The following ZKSCAN1 variants were observed in gnomAD, a reference collection of about 807,000 sequenced individuals.
ZKSCAN1 encodes the protein zinc finger with KRAB and SCAN domains 1, also known as zinc finger protein with KRAB and SCAN domains 1.
In ZKSCAN1, 14 loss-of-function variants were observed where a neutral mutation model predicts 51.6. The observed-to-expected ratio is 0.27, with a 90% CI of 0.18 to 0.42. The LOEUF is 0.42. ZKSCAN1 is among the 10% of genes least tolerant of loss of function. The pLI is 1.00. For synonymous variants in ZKSCAN1, 263 were observed against 261.5 expected (o/e 1.01, Z -0.06); for missense variants, 531 against 710.0 (o/e 0.75, Z 2.86).
At chr7:100,045,244 A>AT (rs751525615), downstream of ZKSCAN1, among the ~76,000 whole-genome samples, 4 of 150,420 alleles carry the variant, frequency 2.7e-5, no homozygotes, top group Non-Finnish European at 5.9e-5. Context: ...CCTACGAAAC[A>AT]TTTTTTCAAA....
At chr7:100,044,460 G>A (rs567576259), downstream of ZKSCAN1, among the ~76,000 whole-genome samples, 127 of 152,080 alleles carry the variant, frequency 8.4e-4, 1 homozygote, top group African/African-American at 2.9e-3. Context: ...GAGGTCGGGA[G>A]ATCGAGACCA....
intron 1 of ZKSCAN1, chr7:100,019,423 C>T (rs1468819888): frequency 6.6e-6 from 1 of 152,102 alleles, no homozygotes; most frequent in Non-Finnish European, 1.5e-5. Context: ...CCAGGCTGGT[C>T]CCGAGCTCCT....
At position 100,034,220 on chromosome 7, in the gene ZKSCAN1, A is replaced by G. The variant is rs372023631; in HGVS notation, c.*23A>G. Reference sequence around the variant, plus strand: ...TAAAGGAAGAATTTGCCATCAAGCCATTTCCCCCTTTTGTTTCTAAAATTA... The same window carrying G: ...TAAAGGAAGAATTTGCCATCAAGCCGTTTCCCCCTTTTGTTTCTAAAATTA... On this transcript the variant is annotated 3_prime_UTR_variant, in exon 6 of 6. Coordinates refer to ENST00000324306, the MANE Select transcript of ZKSCAN1 (RefSeq NM_003439.4). 17 of 1,498,574 alleles carry G rather than the reference A, an allele frequency of 1.1e-5. No individual in the cohort carries two copies. Among genetic ancestry groups the G allele is most frequent in the South Asian group, 1.4e-5 (1 of 73,824 alleles). 92.8% of individuals were successfully genotyped at this position (1,498,574 alleles called of 1,614,324 possible). A position where few individuals can be genotyped will look rare whatever the true frequency, so the allele number is the denominator to read the frequency against.
intron 4 of ZKSCAN1, 67 bp downstream of exon 4, chr7:100,030,019 T>G: frequency 6.4e-7 from 1 of 1,564,732 alleles, no homozygotes; most frequent in East Asian, 2.2e-5. Flanking sequence ...CTCTCTTCAT[T>G]ATCTCCACAG....
rs1791543556 is a variant in ZKSCAN1 at position 100,040,357 on chromosome 7, T to G, written c.*6160T>G. Reference sequence around the variant, plus strand: ...TTTGAATCTGAGATTCTCACCTCCATTTACTAAAGAATCGTGACTTAATTC... The same window carrying G: ...TTTGAATCTGAGATTCTCACCTCCAGTTACTAAAGAATCGTGACTTAATTC... On this transcript the variant is annotated 3_prime_UTR_variant, in exon 6 of 6. Coordinates refer to ENST00000324306, the MANE Select transcript of ZKSCAN1 (RefSeq NM_003439.4). 1.0e-6 allele frequency: 1 copy of G among 985,324 alleles called. No individual in the cohort carries two copies. The highest frequency in any genetic ancestry group is 4.7e-5 in the South Asian group (1 of 21,288). The allele number at this position is 985,324 out of a possible 1,614,324, so 61.0% of individuals were successfully genotyped here. A position where few individuals can be genotyped will look rare whatever the true frequency, so the allele number is the denominator to read the frequency against.
At chr7:100,029,771 C>G in intron 3 of ZKSCAN1, 90 bp from the exon 4 acceptor site, 1 of 1,214,502 alleles carries the variant, frequency 8.2e-7, no homozygotes, top group Non-Finnish European at 1.2e-6. Context: ...AGTGAACATG[C>G]TGGTGCAGGA....
downstream of ZKSCAN1, among the ~76,000 whole-genome samples, chr7:100,044,514 C>CA (rs913709360): frequency 6.6e-5 from 10 of 151,526 alleles, no homozygotes; most frequent in South Asian, 4.2e-4. Flanking sequence ...AAAAAAAATA[C>CA]AAAAAAATAA....
chr7:100,022,843 G>C (rs1790647856), intron 1 of ZKSCAN1, among the ~76,000 whole-genome samples: 1 of 152,146 alleles, frequency 6.6e-6, no homozygotes. Context: ...TCTCTGGGCT[G>C]GGCACTGTTA....
intron 3 of ZKSCAN1, chr7:100,024,996 GT>G (rs1365292508): frequency 1.3e-5 from 2 of 148,410 alleles, no homozygotes; most frequent in Non-Finnish European, 3.0e-5. Flanking sequence ...CTACATTGTT[GT>G]CATTATTACC....
Position 100,037,629 on chromosome 7 carries a change from G to A in ZKSCAN1, c.*3432G>A, listed in dbSNP as rs1791419244. 2.0e-6 allele frequency: 2 copies of A among 985,306 alleles called. No individual in the cohort carries two copies. The allele number at this position is 985,306 out of a possible 1,614,324, so 61.0% of individuals were successfully genotyped here. ...AAACTTGATGAATATTATATGTGAG[G>A]AAAACTTTCATGTATAGCACTCATT... On this transcript the variant is annotated 3_prime_UTR_variant, in exon 6 of 6. Transcript: ENST00000324306.
chr7:100,042,514 C>T (rs558413272), downstream of ZKSCAN1, among the ~76,000 whole-genome samples: 1 of 151,984 alleles, frequency 6.6e-6, no homozygotes, highest in Non-Finnish European at 1.5e-5. Context: ...GTAACTGATG[C>T]AGACTCCACA....
Position 100,035,418 on chromosome 7 carries a change from A to ATTT in ZKSCAN1, c.*1231_*1233dup, listed in dbSNP as rs200310129. On this transcript the variant is annotated 3_prime_UTR_variant, in exon 6 of 6. Coordinates refer to ENST00000324306, the MANE Select transcript of ZKSCAN1 (RefSeq NM_003439.4). Reference sequence around the variant, plus strand: ...AAAAATATGAACACTGATGAAGGTCATTTTTTTTTTTTGACATCTTTCTGT... The same window carrying ATTT: ...AAAAATATGAACACTGATGAAGGTCATTTTTTTTTTTTTTTGACATCTTTCTGT... The ATTT allele has an allele frequency of 1.4e-5, 2 of 146,666 alleles. No individual in the cohort carries two copies. Among genetic ancestry groups the ATTT allele is most frequent in the East Asian group, 3.9e-4 (2 of 5,084 alleles). 9.1% of individuals were successfully genotyped at this position (146,666 alleles called of 1,614,324 possible). A position where few individuals can be genotyped will look rare whatever the true frequency, so the allele number is the denominator to read the frequency against.
chr7:100,029,863 C>T lies in ZKSCAN1; in HGVS notation c.583C>T (p.Leu195Phe), dbSNP rs1791029013. The change falls in exon 4 of 6, where the codon CTT becomes TTT. Residue 195 changes from leucine to phenylalanine, a missense_variant and splice_region_variant. Around this residue, in one of 2 missense-constraint regions of ZKSCAN1, gnomAD observed 403 missense variants for 490.5 expected, o/e 0.82. Coordinates refer to ENST00000324306, the MANE Select transcript of ZKSCAN1 (RefSeq NM_003439.4). ...RKPRLLQSRA[L>F]PAAHIPAPPH... ...ACAGACCCTTTCTCCTCCCCCAGCT[C>T]TTCCTGCTGCCCACATTCCTGCACC... is the stretch of plus-strand genomic sequence containing the variant. The T allele has an allele frequency of 6.2e-7, 1 of 1,614,106 alleles. No individual in the cohort carries two copies. The highest frequency in any genetic ancestry group is 8.5e-7 in the Non-Finnish European group (1 of 1,179,958).
rs1791447310 is a variant in ZKSCAN1 at position 100,038,222 on chromosome 7, T to C, written c.*4025T>C. On this transcript the variant is annotated 3_prime_UTR_variant, in exon 6 of 6. Transcript: ENST00000324306. ...CCTTCAGTCCCTTGTTATTGTTCCG[T>C]ATATTACCTGTAAGCAGATACTGTA... 5 of 985,308 alleles carry C rather than the reference T, an allele frequency of 5.1e-6. No homozygotes were observed. The South Asian group carries it at 2.3e-4, about 46-fold the overall frequency. 61.0% of individuals were successfully genotyped at this position (985,308 alleles called of 1,614,324 possible).
chr7:100,043,140 C>T (rs898794522), downstream of ZKSCAN1, among the ~76,000 whole-genome samples: 2 of 150,976 alleles, frequency 1.3e-5, no homozygotes, highest in East Asian at 3.9e-4. Flanking sequence ...GGCTATTTCC[C>T]AAGCTGGTCT....
In ZKSCAN1 at chr7:100,038,136, T is replaced by C; in HGVS notation, c.*3939T>C. On this transcript the variant is annotated 3_prime_UTR_variant, in exon 6 of 6. Transcript: ENST00000324306. ...CAAAATGTGCAACTTCTTACAAAAA[T>C]TGTTAACGTTAGGTACTTCTATATA... 1.0e-6 allele frequency: 1 copy of C among 985,394 alleles called. No individual in the cohort carries two copies. The highest frequency in any genetic ancestry group is 1.2e-6 in the Non-Finnish European group (1 of 829,932). 61.0% of individuals were successfully genotyped at this position (985,394 alleles called of 1,614,324 possible). A position where few individuals can be genotyped will look rare whatever the true frequency, so the allele number is the denominator to read the frequency against.
Position 100,036,288 on chromosome 7 carries a change from A to G in ZKSCAN1, c.*2091A>G. ...TACCCATGCAACGGAAGAAAAACCC[A>G]TTACTCCAGAAGAGTATATCTAAGT... is the stretch of plus-strand genomic sequence containing the variant. On this transcript the variant is annotated 3_prime_UTR_variant, in exon 6 of 6. Transcript: ENST00000324306. 3 of 985,466 alleles carry G rather than the reference A, an allele frequency of 3.0e-6. No individual in the cohort carries two copies. The highest frequency in any genetic ancestry group is 3.6e-6 in the Non-Finnish European group (3 of 829,936). The allele number at this position is 985,466 out of a possible 1,614,324, so 61.0% of individuals were successfully genotyped here. A position where few individuals can be genotyped will look rare whatever the true frequency, so the allele number is the denominator to read the frequency against.
Position 100,024,199 on chromosome 7 carries a change from G to T in ZKSCAN1, c.472G>T (p.Val158Leu), listed in dbSNP as rs780192057. ...ACCTGAGATGCTCGCAAGGGGGATG[G>T]TGCCTCTGGATCCAGTTCAGGAGTC... Reference protein sequence around the residue: ...HGPEMLARGMVPLDPVQESSS... With the variant: ...HGPEMLARGMLPLDPVQESSS... The change falls in exon 3 of 6, where the codon GTG (valine) becomes TTG (leucine). Residue 158 changes from valine to leucine, a missense_variant. Transcript: ENST00000324306. 6.2e-7 allele frequency: 1 copy of T among 1,614,090 alleles called. No homozygotes were observed. Among genetic ancestry groups the T allele is most frequent in the Admixed American group, 1.7e-5 (1 of 59,986 alleles).
At position 100,023,433 on chromosome 7, in the gene ZKSCAN1, C is replaced by T; in HGVS notation, c.-74C>T. 2.0e-6 allele frequency: 3 copies of T among 1,480,234 alleles called. No homozygotes were observed. In the East Asian group the frequency reaches 6.8e-5, roughly 34 times the overall value. The allele number at this position is 1,480,234 out of a possible 1,614,324, so 91.7% of individuals were successfully genotyped here. ...TTATACTTCAGGAATAGTAAAGAAA[C>T]ACATCATAAAACCTCCCAGGACATA... On this transcript the variant is annotated 5_prime_UTR_variant, in exon 2 of 6. Coordinates refer to ENST00000324306, the MANE Select transcript of ZKSCAN1 (RefSeq NM_003439.4).
Sources: gnomAD v4.1 joint callset for allele counts (sites outside exome capture counted in the v4.1 genomes callset) on GRCh38, gnomAD v4.1.1 for gene constraint, gnomAD v4.1.1 regional missense constraint, MANE v1.5 for transcripts, NCBI Gene and HGNC (gene_info 2026-07-23, HGNC 2026-07-21) for gene names.